The following SYN2 variants were observed in gnomAD, a reference collection of about 807,000 sequenced individuals.
SYN2 encodes the protein synapsin II.
SYN2 carries 19 observed loss-of-function variants against 50.9 expected under a neutral mutation model. The observed-to-expected ratio is 0.37, with a 90% CI of 0.26 to 0.55. The LOEUF is 0.55. SYN2 is among the 20% of genes least tolerant of loss of function. The pLI is 0.81. For missense variants in SYN2, 587 were observed against 576.4 expected (o/e 1.02, Z -0.19); for synonymous variants, 255 against 224.9 (o/e 1.13, Z -1.20).
chr3:12,120,805 C>T (rs1696540508), intron 1 of SYN2, among the ~76,000 whole-genome samples: 1 of 152,184 alleles, frequency 6.6e-6, no homozygotes, highest in South Asian at 2.1e-4. Context: ...GTGTCTCCTT[C>T]ATGTGTCCTA....
At chr3:12,185,608 C>A (rs1335739289) in intron 11 of SYN2, 1 of 985,758 alleles carries the variant, frequency 1.0e-6, no homozygotes, top group Admixed American at 6.2e-5. Context: ...GACGTTGTCC[C>A]CTTTTTTTGT....
At chr3:12,183,553 A>C (rs946335825) in intron 11 of SYN2, 181 bp downstream of exon 11, 1 of 1,524,850 alleles carries the variant, frequency 6.6e-7, no homozygotes, top group Non-Finnish European at 8.8e-7. Flanking sequence ...CGTTCTTTCA[A>C]TGCTGACTGG....
chr3:12,057,771 CAG>C (rs1230319772), intron 1 of SYN2, among the ~76,000 whole-genome samples: 15 of 152,096 alleles, frequency 9.9e-5, no homozygotes, highest in Admixed American at 4.6e-4. Context: ...ATGAGACAAT[CAG>C]GGAAGATTTT....
intron 1 of SYN2, among the ~76,000 whole-genome samples, chr3:12,100,054 T>C (rs1574940281): frequency 2.0e-5 from 3 of 151,344 alleles, no homozygotes; most frequent in East Asian, 3.9e-4. Flanking sequence ...AAAGACATTG[T>C]TAAGATAGCA....
intron 1 of SYN2, among the ~76,000 whole-genome samples, chr3:12,085,340 A>C (rs1021979935): frequency 3.1e-5 from 4 of 130,724 alleles, no homozygotes; most frequent in African/African-American, 1.2e-4. Flanking sequence ...TATATATATG[A>C]TTGTTATGGA....
chr3:12,010,251 C>T (rs1033003474), intron 1 of SYN2, among the ~76,000 whole-genome samples: 3 of 152,184 alleles, frequency 2.0e-5, no homozygotes, highest in Admixed American at 6.5e-5. Context: ...CCTAAGGTTG[C>T]TTACTGTCTT....
chr3:12,072,947 G>A (rs1695391845), intron 1 of SYN2, among the ~76,000 whole-genome samples: 1 of 151,980 alleles, frequency 6.6e-6, no homozygotes, highest in Non-Finnish European at 1.5e-5. Context: ...AGCTCTGTGC[G>A]TTTAAGTAGA....
At chr3:12,159,105 T>C (rs544275347) in intron 5 of SYN2, 1 of 450,848 alleles carries the variant, frequency 2.2e-6, no homozygotes, top group South Asian at 5.0e-5. Flanking sequence ...GCCTAAGTCA[T>C]GAAGCGATCT....
chr3:12,040,717 T>G (rs972150011), intron 1 of SYN2, among the ~76,000 whole-genome samples: 1 of 152,116 alleles, frequency 6.6e-6, no homozygotes, highest in African/African-American at 2.4e-5. Flanking sequence ...ATATCACATT[T>G]TAAAAATATA....
At chr3:12,150,509 G>A (rs1697257056) in intron 4 of SYN2, among the ~76,000 whole-genome samples, 1 of 151,856 alleles carries the variant, frequency 6.6e-6, no homozygotes, top group African/African-American at 2.4e-5. Flanking sequence ...GCGGGGTGGG[G>A]GAGCCCAGGT....
chr3:12,070,016 C>T (rs1290100746), intron 1 of SYN2, among the ~76,000 whole-genome samples: 1 of 151,842 alleles, frequency 6.6e-6, no homozygotes, highest in Non-Finnish European at 1.5e-5. Context: ...CCAGGTTGGT[C>T]TCGAATTCCT....
At chr3:12,129,296 G>A (rs1696739369) in intron 1 of SYN2, among the ~76,000 whole-genome samples, 1 of 152,126 alleles carries the variant, frequency 6.6e-6, no homozygotes, top group Non-Finnish European at 1.5e-5. Context: ...AAAAGCCCAA[G>A]AGGACAGATA....
intron 12 of SYN2, among the ~76,000 whole-genome samples, chr3:12,188,964 T>C (rs1698397092): frequency 6.6e-6 from 1 of 152,184 alleles, no homozygotes; most frequent in African/African-American, 2.4e-5. Context: ...TGGAGGCTCA[T>C]CCCCAGTACT....
At chr3:12,092,001 G>A (rs923605089) in intron 1 of SYN2, among the ~76,000 whole-genome samples, 1 of 152,186 alleles carries the variant, frequency 6.6e-6, no homozygotes, top group Non-Finnish European at 1.5e-5. Context: ...AATGGAGGAA[G>A]ATGTCACTAA....
chr3:12,155,666 G>A (rs1002389471), intron 5 of SYN2, among the ~76,000 whole-genome samples: 1 of 152,178 alleles, frequency 6.6e-6, no homozygotes, highest in Non-Finnish European at 1.5e-5. Context: ...TCTCCTGTAG[G>A]ACCTGGGCAC....
At chr3:12,168,251 A>G in intron 8 of SYN2, 125 bp from the exon 9 acceptor site, 1 of 721,158 alleles carries the variant, frequency 1.4e-6, no homozygotes, top group South Asian at 1.6e-5. Context: ...TGATACGGGT[A>G]GATGGAGGGA....
intron 1 of SYN2, among the ~76,000 whole-genome samples, chr3:12,139,308 A>C (rs942163696): frequency 1.4e-4 from 21 of 152,230 alleles, no homozygotes; most frequent in African/African-American, 4.8e-4. Context: ...TGCTCACATC[A>C]TTAAGTCCCT....
In SYN2 at chr3:12,064,867, CAT is replaced by C. The variant is rs539578606; in HGVS notation, c.377+59941_377+59942del. Among the ~76,000 whole-genome samples the C allele has an allele frequency of 6.6e-5, 10 of 152,206 alleles. No homozygotes were observed. In the South Asian group the frequency reaches 1.9e-3, roughly 28 times the overall value. The stretch of plus-strand genomic sequence containing the variant: ...TACCATATGAGCCAGCAATTTCACT[CAT>C]AGGTATACCTGAGAGGATTTAAAAC... On this transcript the variant is annotated intron_variant, in intron 1 of 12. Coordinates refer to ENST00000621198, the MANE Select transcript of SYN2 (RefSeq NM_133625.6).
At chr3:12,128,777 A>G (rs1664232697) in intron 1 of SYN2, among the ~76,000 whole-genome samples, 1 of 152,188 alleles carries the variant, frequency 6.6e-6, no homozygotes, top group African/African-American at 2.4e-5. Flanking sequence ...CTCACGCAGG[A>G]AAGTTTTTTT....
Sources: allele counts gnomAD v4.1 joint callset (sites outside exome capture counted in the v4.1 genomes callset), GRCh38; gene constraint gnomAD v4.1.1; transcripts MANE v1.5; gene names NCBI Gene and HGNC (gene_info 2026-07-23, HGNC 2026-07-21).